ZNF420: variants seen among roughly 807,000 people sequenced by gnomAD.
The protein encoded by ZNF420 is ATM and p53-associated KZNF protein.
ZNF420 carries 31 observed loss-of-function variants against 44.7 expected under a neutral mutation model. The observed-to-expected ratio is 0.69, with a 90% CI of 0.52 to 0.94. The LOEUF (loss-of-function observed/expected upper bound fraction) is 0.94. Among genes scored for constraint, ZNF420 ranks in the 40% least tolerant of loss-of-function variants. ZNF420 has a pLI of 0.00. For missense variants in ZNF420, 681 were observed against 827.9 expected (o/e 0.82, Z 2.18); for synonymous variants, 245 against 267.4 (o/e 0.92, Z 0.82).
intron 1 of ZNF420, among the ~76,000 whole-genome samples, chr19:37,019,171 A>G (rs2074628394): frequency 6.6e-6 from 1 of 152,218 alleles, no homozygotes; most frequent in Non-Finnish European, 1.5e-5. Flanking sequence ...AACAATTAAA[A>G]GGGTCCAAAA....
intron 4 of ZNF420, among the ~76,000 whole-genome samples, chr19:37,095,589 T>TTTTTC (rs944668699): frequency 2.0e-5 from 3 of 152,032 alleles, no homozygotes; most frequent in Non-Finnish European, 2.9e-5. Context: ...TGGTTTTATT[T>TTTTTC]TTTTCTTTTC....
chr19:37,032,911 G>A (rs1179928257), intron 1 of ZNF420, among the ~76,000 whole-genome samples: 1 of 152,220 alleles, frequency 6.6e-6, no homozygotes, highest in East Asian at 1.9e-4. Context: ...TGTATCAGGT[G>A]TGGTCGGCAA....
At chr19:37,126,805 A>AT (rs35496983) in intron 4 of ZNF420, among the ~76,000 whole-genome samples, 2,511 of 152,128 alleles carry the variant, frequency 0.017, 61 homozygotes, top group African/African-American at 0.058. Flanking sequence ...TTCTTAGCTA[A>AT]TTTTTTTTAA....
At chr19:37,056,132 C>T (rs769210668) in intron 1 of ZNF420, among the ~76,000 whole-genome samples, 1 of 151,542 alleles carries the variant, frequency 6.6e-6, no homozygotes, top group Admixed American at 6.6e-5. Context: ...GGCAGGGAGC[C>T]GAAGGGACGG....
chr19:37,111,118 A>G (rs1228275089), intron 4 of ZNF420, among the ~76,000 whole-genome samples: 3 of 152,368 alleles, frequency 2.0e-5, no homozygotes, highest in Non-Finnish European at 4.4e-5. Flanking sequence ...TGAGGAAGGA[A>G]TGACCACTCC....
chr19:37,094,628 C>T (rs1432447633), intron 4 of ZNF420, among the ~76,000 whole-genome samples: 1 of 152,022 alleles, frequency 6.6e-6, no homozygotes, highest in African/African-American at 2.4e-5. Flanking sequence ...TCAAGGCCAG[C>T]AAGTTGAAAA....
chr19:37,127,169 A>C lies in ZNF420; in HGVS notation c.178A>C (p.Lys60Gln). 1 of 1,555,546 alleles carries C rather than the reference A, an allele frequency of 6.4e-7. No homozygotes were observed. Among genetic ancestry groups the C allele is most frequent in the Non-Finnish European group, 8.7e-7 (1 of 1,151,588 alleles). Reference protein sequence around the residue: ...RCASKDLSPEKNTYETELSQW... With the variant: ...RCASKDLSPEQNTYETELSQW... ...TGCAAGTAAGGACTTATCTCCAGAA[A>C]AGAACACTTATGAAACAGAATTATC... The change falls in exon 5 of 5, where the codon AAG becomes CAG. Residue 60 changes from lysine to glutamine, a missense_variant. Coordinates refer to ENST00000337995, the MANE Select transcript of ZNF420 (RefSeq NM_144689.5).
rs2145352036 is a variant in ZNF420 at position 37,127,359 on chromosome 19, A to G, written c.368A>G (p.His123Arg). The change falls in exon 5 of 5, where the codon CAT becomes CGT. Residue 123 changes from histidine to arginine, a missense_variant. Coordinates refer to ENST00000337995, the MANE Select transcript of ZNF420 (RefSeq NM_144689.5). ...IYDKMSIFNQ[H>R]TYLSQHSRCH... is the part of the protein sequence containing the mutation. Reference sequence around the variant, plus strand: ...GACAAAATGTCCATTTTCAACCAGCATACTTACTTATCTCAACATTCAAGA... The same window carrying G: ...GACAAAATGTCCATTTTCAACCAGCGTACTTACTTATCTCAACATTCAAGA... 6.2e-7 allele frequency: 1 copy of G among 1,612,836 alleles called. No individual in the cohort carries two copies.
At chr19:37,066,914 TA>T (rs1967976622) in intron 1 of ZNF420, among the ~76,000 whole-genome samples, 1 of 152,122 alleles carries the variant, frequency 6.6e-6, no homozygotes, top group South Asian at 2.1e-4. Flanking sequence ...AGAATATGAA[TA>T]AACTGTGATA....
chr19:37,011,534 C>A lies in ZNF420; in HGVS notation c.-125+3452C>A, dbSNP rs935715858. Among the ~76,000 whole-genome samples, 13 of 152,212 alleles carry A rather than the reference C, an allele frequency of 8.5e-5. No individual in the cohort carries two copies. The South Asian group carries it at 2.7e-3, about 32-fold the overall frequency. On this transcript the variant is annotated intron_variant, in intron 1 of 4. Coordinates refer to the ZNF420 transcript ENST00000587029. ...GGGTGCATGGGAGGTTGTGTCGGGG[C>A]TACCTAGGCATTGGAGAGGTGGGGG...
intron 2 of ZNF420, among the ~76,000 whole-genome samples, chr19:37,086,067 G>T (rs1968754753): frequency 1.3e-5 from 2 of 151,832 alleles, no homozygotes; most frequent in African/African-American, 4.8e-5. Context: ...CTCCCCAAGT[G>T]CTGGGGTTGC....
At chr19:37,120,099 G>C (rs1970941655) in intron 4 of ZNF420, among the ~76,000 whole-genome samples, 1 of 152,082 alleles carries the variant, frequency 6.6e-6, no homozygotes. Flanking sequence ...AGAAAAAGAG[G>C]GAATCCTGCC....
intron 1 of ZNF420, among the ~76,000 whole-genome samples, chr19:37,033,971 G>A (rs1967308432): frequency 6.6e-6 from 1 of 151,968 alleles, no homozygotes; most frequent in Non-Finnish European, 1.5e-5. Flanking sequence ...TGTTCAGGCT[G>A]ATCTTGAACT....
chr19:37,111,419 A>G (rs1411342853), intron 4 of ZNF420: 1 of 152,218 alleles, frequency 6.6e-6, no homozygotes, highest in African/African-American at 2.4e-5. Context: ...TAATGTTTTT[A>G]ATGTGCCTTT....
intron 1 of ZNF420, among the ~76,000 whole-genome samples, chr19:37,057,724 T>C (rs540437537): frequency 6.6e-6 from 1 of 152,206 alleles, no homozygotes; most frequent in East Asian, 1.9e-4. Flanking sequence ...CCGGAGCAAC[T>C]GGAATCTCAT....
chr19:37,021,908 G>A (rs2074651645), intron 1 of ZNF420, among the ~76,000 whole-genome samples: 2 of 123,466 alleles, frequency 1.6e-5, no homozygotes, highest in Admixed American at 1.1e-4. Flanking sequence ...CTAAACTCCA[G>A]CCTGAGCAAC....
chr19:37,064,871 C>T (rs534166089), intron 1 of ZNF420, among the ~76,000 whole-genome samples: 265 of 152,176 alleles, frequency 1.7e-3, no homozygotes, highest in Admixed American at 4.7e-3. Flanking sequence ...TGACAAAGTC[C>T]GGCGGAGTCA....
At chr19:37,080,260 A>G (rs935957511) in intron 1 of ZNF420, 85 bp from the exon 2 acceptor site, 6 of 152,646 alleles carry the variant, frequency 3.9e-5, no homozygotes, top group African/African-American at 1.4e-4. Flanking sequence ...GATTAAGAGG[A>G]TGGAGGAAGA....
At chr19:37,024,834 G>A (rs8100628) in intron 1 of ZNF420, 24,452 of 152,660 alleles carry the variant, frequency 0.16, 2,104 homozygotes, top group African/African-American at 0.23. Flanking sequence ...CTCTGCCTTT[G>A]GCCTTGCAAA....
Sources: gnomAD v4.1 joint callset for allele counts (sites outside exome capture counted in the v4.1 genomes callset) on GRCh38, gnomAD v4.1.1 for gene constraint, MANE v1.5 for transcripts, NCBI Gene and HGNC (gene_info 2026-07-23, HGNC 2026-07-21) for gene names.